THRAP3: variants seen among roughly 807,000 people sequenced by gnomAD.
THRAP3 encodes thyroid hormone receptor-associated protein 3.
In THRAP3, 16 loss-of-function variants were observed where a neutral mutation model predicts 101.0. The ratio of observed to expected loss-of-function variants is 0.16; its 90% confidence interval spans 0.11 to 0.24. The LOEUF (loss-of-function observed/expected upper bound fraction) is 0.24. Ranked by LOEUF, THRAP3 falls within the 10% of genes least tolerant of loss-of-function variation. The pLI is 1.00. For synonymous variants in THRAP3, 407 were observed against 422.6 expected (o/e 0.96, Z 0.45); for missense variants, 989 against 1,202.7 (o/e 0.82, Z 2.63).
rs1430274128 is a variant in THRAP3 at position 36,303,926 on chromosome 1, A to G, written c.2777A>G (p.Lys926Arg). 1 of 1,613,356 alleles carries G rather than the reference A, an allele frequency of 6.2e-7. No homozygotes were observed. The highest frequency in any genetic ancestry group is 1.1e-5 in the South Asian group (1 of 90,992). The change falls in exon 12 of 12, where the codon AAG (lysine) becomes AGG (arginine). Residue 926 changes from lysine to arginine, a missense_variant. By Grantham distance (26) the Lys-to-Arg change is conservative. Coordinates refer to ENST00000354618, the MANE Select transcript of THRAP3 (RefSeq NM_005119.4). ...ACCAGCCCCAAGTGGGCCCATGACA[A>G]GTTCAGTGGGGAGGAAGGGGAGATT... ...SSTSPKWAHDKFSGEEGEIED... is the reference protein window; with the variant it reads ...SSTSPKWAHDRFSGEEGEIED...
In THRAP3 at chr1:36,305,181, C is replaced by T. The variant is rs142488193; in HGVS notation, c.*1164C>T. The T allele has an allele frequency of 1.8e-5, 4 of 221,988 alleles. No homozygotes were observed. The highest frequency in any genetic ancestry group is 8.9e-5 in the African/African-American group (4 of 44,742). 13.8% of individuals were successfully genotyped at this position (221,988 alleles called of 1,614,324 possible). ...TGTTATATGCGGACTGCACCCACCT[C>T]TCCCCCCCAGCCTTTGCCTCTTGCG... On this transcript the variant is annotated 3_prime_UTR_variant, in exon 12 of 12. Coordinates refer to ENST00000354618, the MANE Select transcript of THRAP3 (RefSeq NM_005119.4).
chr1:36,292,012 T>G (rs1406797029), intron 6 of THRAP3, among the ~76,000 whole-genome samples: 2 of 152,046 alleles, frequency 1.3e-5, no homozygotes, highest in African/African-American at 4.8e-5. Context: ...GAATATAAAC[T>G]CAAGCAAGAG....
At chr1:36,245,329 G>A (rs1303432336) in intron 1 of THRAP3, among the ~76,000 whole-genome samples, 1 of 151,340 alleles carries the variant, frequency 6.6e-6, no homozygotes, top group Non-Finnish European at 1.5e-5. Flanking sequence ...ATCACACCCG[G>A]CTAATTTTTT....
chr1:36,248,316 T>A (rs1204201975), intron 1 of THRAP3, among the ~76,000 whole-genome samples: 1 of 152,146 alleles, frequency 6.6e-6, no homozygotes, highest in East Asian at 1.9e-4. Context: ...TTGAATACTT[T>A]TATTGTAGAG....
chr1:36,237,820 T>TG lies in THRAP3; in HGVS notation c.-135+13315_-135+13316insG, dbSNP rs1318335844. Among the ~76,000 whole-genome samples, 52 of 152,058 alleles carry TG rather than the reference T, an allele frequency of 3.4e-4. 2 individuals are homozygous for TG. Among genetic ancestry groups the TG allele is most frequent in the South Asian group, 2.1e-4 (1 of 4,820 alleles). On this transcript the variant is annotated intron_variant, in intron 1 of 11. Coordinates refer to ENST00000354618, the MANE Select transcript of THRAP3 (RefSeq NM_005119.4). ...ACAACTAGGTAGGAAATAGGTTTTTTTTGTGTGTGTGTGTGTTTTTGGAGA... is the reference window on the plus strand; with the variant it reads ...ACAACTAGGTAGGAAATAGGTTTTTTGTTGTGTGTGTGTGTGTTTTTGGAGA...
chr1:36,215,744 G>C, the THRAP3 span, among the ~76,000 whole-genome samples: 2 of 151,548 alleles, frequency 1.3e-5, no homozygotes, highest in South Asian at 4.1e-4. Flanking sequence ...GTCACAAAAA[G>C]AATATTTTCT....
rs575028397 is a variant in THRAP3, at chr1:36,295,954, C to CTTTTTTTTTTTTTTTTTTTTTTTTTTTTT, written c.2116-620_2116-592dup. Among the ~76,000 whole-genome samples, 2 of 60,488 alleles carry CTTTTTTTTTTTTTTTTTTTTTTTTTTTTT rather than the reference C, an allele frequency of 3.3e-5. 1 individual carries two copies. Among genetic ancestry groups the CTTTTTTTTTTTTTTTTTTTTTTTTTTTTT allele is most frequent in the Non-Finnish European group, 5.6e-5 (2 of 35,646 alleles). 39.7% of individuals were successfully genotyped at this position (60,488 alleles called of 152,430 possible). ...CCAGAGCTAATTTTAGCCTTCTCAA[C>CTTTTTTTTTTTTTTTTTTTTTTTTTTTTT]TTTTTTTTTTTTTTTTTTTTTTTTT... On this transcript the variant is annotated intron_variant, in intron 8 of 11. Transcript: ENST00000354618.
intron 8 of THRAP3, 35 bp from the exon 9 acceptor site, chr1:36,296,548 C>G: frequency 6.7e-7 from 1 of 1,496,238 alleles, no homozygotes; most frequent in African/African-American, 1.4e-5. Flanking sequence ...AGCTCTGAAT[C>G]CCAGAAACCT....
At chr1:36,271,335 T>G (rs1645588195) in intron 2 of THRAP3, among the ~76,000 whole-genome samples, 1 of 151,994 alleles carries the variant, frequency 6.6e-6, no homozygotes, top group Non-Finnish European at 1.5e-5. Context: ...CAGGCTGGAG[T>G]GCAGTGATGC....
At chr1:36,217,579 C>T in the THRAP3 span, among the ~76,000 whole-genome samples, 7 of 151,994 alleles carry the variant, frequency 4.6e-5, no homozygotes, top group East Asian at 1.4e-3. Flanking sequence ...CTGTGTCAAG[C>T]AAGTCTATTG....
At chr1:36,303,723 G>T in intron 11 of THRAP3, 73 bp from the exon 12 acceptor site, 1 of 1,598,618 alleles carries the variant, frequency 6.3e-7, no homozygotes, top group Non-Finnish European at 8.5e-7. Context: ...GCACATTTGG[G>T]TGCGTGCAGA....
At chr1:36,251,743 A>G (rs1047263240) in intron 1 of THRAP3, among the ~76,000 whole-genome samples, 1 of 152,232 alleles carries the variant, frequency 6.6e-6, no homozygotes, top group African/African-American at 2.4e-5. Context: ...AACAATATTT[A>G]TTGAGTACTC....
intron 2 of THRAP3, among the ~76,000 whole-genome samples, chr1:36,266,335 A>AAACAAC (rs532212903): frequency 1.3e-5 from 2 of 152,022 alleles, no homozygotes; most frequent in Admixed American, 6.6e-5. Flanking sequence ...CAAAAATGAC[A>AAACAAC]AACAACAACA....
chr1:36,263,848 G>A (rs1190820362), intron 2 of THRAP3, among the ~76,000 whole-genome samples: 2 of 152,200 alleles, frequency 1.3e-5, no homozygotes, highest in Non-Finnish European at 2.9e-5. Flanking sequence ...GCTTGCTGTT[G>A]ATTTTCCCTG....
At chr1:36,232,467 C>G (rs1169998289) in intron 1 of THRAP3, among the ~76,000 whole-genome samples, 2 of 152,134 alleles carry the variant, frequency 1.3e-5, no homozygotes, top group Non-Finnish European at 2.9e-5. Context: ...GTTGCTGTTT[C>G]CCTCCCCAAC....
At chr1:36,209,044 G>A in the THRAP3 span, among the ~76,000 whole-genome samples, 2 of 133,240 alleles carry the variant, frequency 1.5e-5, no homozygotes, top group East Asian at 2.3e-4. Context: ...TGATGGAATC[G>A]TGGCTCACTG....
Position 36,296,781 on chromosome 1 carries a change from C to A in THRAP3, c.2303+11C>A, listed in dbSNP as rs1645957622. The A allele has an allele frequency of 6.4e-7, 1 of 1,566,364 alleles. No homozygotes were observed. The highest frequency in any genetic ancestry group is 1.2e-5 in the South Asian group (1 of 82,084). On this transcript the variant is annotated intron_variant, in intron 9 of 11. Coordinates refer to ENST00000354618, the MANE Select transcript of THRAP3 (RefSeq NM_005119.4). ...ATCAAAGAAACAGAAGTACGTAAGC[C>A]CCTGTTACCCCTTCCAGACTCTTAA... is the stretch of plus-strand genomic sequence containing the variant.
intron 2 of THRAP3, among the ~76,000 whole-genome samples, chr1:36,271,640 A>G (rs2124539108): frequency 7.4e-6 from 1 of 135,314 alleles, no homozygotes; most frequent in African/African-American, 2.9e-5. Flanking sequence ...TCTGTCGCAC[A>G]AGCTGGAGTG....
chr1:36,269,695 C>T (rs1477785718), intron 2 of THRAP3, among the ~76,000 whole-genome samples: 1 of 152,092 alleles, frequency 6.6e-6, no homozygotes, highest in Admixed American at 6.6e-5. Flanking sequence ...CTCAGCCTCC[C>T]AAGTAGCTGG....
Sources: gnomAD v4.1 joint callset for allele counts (sites outside exome capture counted in the v4.1 genomes callset) on GRCh38, gnomAD v4.1.1 for gene constraint, MANE v1.5 for transcripts, NCBI Gene and HGNC (gene_info 2026-07-23, HGNC 2026-07-21) for gene names.